The following GPR17 variants were observed in gnomAD, a reference collection of about 807,000 sequenced individuals.
GPR17 encodes the protein G protein-coupled receptor 17.
A neutral mutation model predicts 1.5 loss-of-function variants in GPR17; 4 were observed. The ratio of observed to expected loss-of-function variants is 2.73; its 90% CI spans 1.35 to 6.25. GPR17 has a LOEUF of 6.25. Ranked by LOEUF, GPR17 falls within the 30% of genes most tolerant of loss-of-function variation. The probability of loss-of-function intolerance (pLI) is 0.00; values close to 1 mark genes in which losing one functional copy is unlikely to be tolerated. For missense variants in GPR17, 463 were observed against 462.1 expected, an observed-to-expected ratio of 1.00 and a Z score of -0.02; for synonymous variants, 209 against 207.6, an observed-to-expected ratio of 1.01 and a Z score of -0.06.
chr2:127,650,457 CT>C lies in GPR17; in HGVS notation c.-20-258del, dbSNP rs1281010934. ...CCAGCTCTGAGGAGCCTCAGATCTCCTGGGTGGCAGGGGTGCAGCTGCATAG... is the reference window on the plus strand; with the variant it reads ...CCAGCTCTGAGGAGCCTCAGATCTCCGGGTGGCAGGGGTGCAGCTGCATAG... On this transcript the variant is annotated intron_variant, in intron 1 of 1. Coordinates refer to ENST00000486700, the MANE Select transcript of GPR17 (RefSeq NM_001161417.2). The C allele has an allele frequency of 1.4e-5, 8 of 552,848 alleles. No homozygotes were observed. The East Asian group carries it at 2.1e-4, about 15-fold the overall frequency. The allele number at this position is 552,848 out of a possible 1,614,324, so 34.2% of individuals were successfully genotyped here. A position where few individuals can be genotyped will look rare whatever the true frequency, so the allele number is the denominator to read the frequency against.
chr2:127,651,304 C>T lies in GPR17; in HGVS notation c.569C>T (p.Ser190Phe), dbSNP rs1230516888. The T allele has an allele frequency of 6.2e-7, 1 of 1,609,304 alleles. No individual in the cohort carries two copies. The highest frequency in any genetic ancestry group is 1.7e-5 in the Admixed American group (1 of 60,022). ...VCLQLYREKA[S>F]HHALVSLAVA... The stretch of plus-strand genomic sequence containing the variant: ...CTGCAGCTGTACCGGGAGAAGGCCT[C>T]CCACCATGCCCTGGTGTCCCTGGCA... The change falls in exon 2 of 2, where the codon TCC becomes TTC. Residue 190 changes from serine to phenylalanine, a missense_variant. Physicochemically the swap from Ser to Phe is radical, Grantham distance 155. Transcript: ENST00000486700.
Position 127,650,790 on chromosome 2 carries a change from AC to A in GPR17, c.56del (p.Thr19ArgfsTer28). ...TCTGATCACCAACTTCTCCCTGGCC[AC>A]GGCAGAGCAATGTGGCCAGGAGACG... Reference protein sequence around the residue: ...PGLITNFSLATAEQCGQETPL... With the variant: ...PGLITNFSLAXAEQCGQETPL... On this transcript the variant is annotated frameshift_variant, in exon 2 of 2. Coordinates refer to ENST00000486700, the MANE Select transcript of GPR17 (RefSeq NM_001161417.2). LOFTEE classifies it low-confidence loss of function (END_TRUNC). 1 of 1,613,894 alleles carries A rather than the reference AC, an allele frequency of 6.2e-7. No individual in the cohort carries two copies. The highest frequency in any genetic ancestry group is 8.5e-7 in the Non-Finnish European group (1 of 1,179,864).
Position 127,651,962 on chromosome 2 carries a change from G to A in GPR17, c.*207G>A. 1.6e-6 allele frequency: 1 copy of A among 614,332 alleles called. No homozygotes were observed. The highest frequency in any genetic ancestry group is 2.9e-6 in the Non-Finnish European group (1 of 339,624). 38.1% of individuals were successfully genotyped at this position (614,332 alleles called of 1,614,324 possible). A position where few individuals can be genotyped will look rare whatever the true frequency, so the allele number is the denominator to read the frequency against. On this transcript the variant is annotated 3_prime_UTR_variant, in exon 2 of 2. Coordinates refer to ENST00000486700, the MANE Select transcript of GPR17 (RefSeq NM_001161417.2). Reference sequence around the variant, plus strand: ...ATCGGCCACCCCTCTGCAGGGGCTTGTGATGGCTACAATGGCTCCTAGACA... The same window carrying A: ...ATCGGCCACCCCTCTGCAGGGGCTTATGATGGCTACAATGGCTCCTAGACA...
chr2:127,649,958 G>C, intron 1 of GPR17: 1 of 1,468,648 alleles, frequency 6.8e-7, no homozygotes, highest in Non-Finnish European at 9.4e-7. Flanking sequence ...CTCCCAGCTG[G>C]CCTGATACCC....
At chr2:127,650,528 G>C (rs1017302761) in intron 1 of GPR17, 188 bp from the exon 2 acceptor site, 1 of 588,186 alleles carries the variant, frequency 1.7e-6, no homozygotes, top group Non-Finnish European at 3.0e-6. Context: ...TTGTGCTGAA[G>C]TTCAGAATGC....
chr2:127,649,165 T>TAGGAAGGAAGGAAGGAAGGAAGGAAGGA (rs376330379), intron 1 of GPR17, among the ~76,000 whole-genome samples: 105 of 134,344 alleles, frequency 7.8e-4, no homozygotes, highest in African/African-American at 2.8e-3. Flanking sequence ...GAGAGGAAGG[T>TAGGAAGGAAGGAAGGAAGGAAGGAAGGA]AGGAAGGAAG....
chr2:127,651,389 C>T lies in GPR17; in HGVS notation c.654C>T (p.Ser218=). ...TVTCYLLIIR[S]LRQGLRVEKR... is the part of the protein sequence containing the mutation. ...CCTGCTACCTGCTGATCATCCGCAG[C>T]CTGCGGCAGGGCCTGCGTGTGGAGA... The change falls in exon 2 of 2, where the codon AGC becomes AGT. Residue 218 remains serine, a synonymous_variant. Coordinates refer to ENST00000486700, the MANE Select transcript of GPR17 (RefSeq NM_001161417.2). 6.2e-7 allele frequency: 1 copy of T among 1,612,820 alleles called. No individual in the cohort carries two copies. The highest frequency in any genetic ancestry group is 8.5e-7 in the Non-Finnish European group (1 of 1,180,042).
rs375405261 is a variant in GPR17, at chr2:127,651,390, C to T, written c.655C>T (p.Leu219=). ...VTCYLLIIRS[L]RQGLRVEKRL... is the part of the protein sequence containing the mutation. ...CTGCTACCTGCTGATCATCCGCAGC[C>T]TGCGGCAGGGCCTGCGTGTGGAGAA... Residue 219 remains leucine (L), a synonymous_variant, in exon 2 of 2, where the codon CTG becomes TTG. Coordinates refer to ENST00000486700, the MANE Select transcript of GPR17 (RefSeq NM_001161417.2). 2.5e-6 allele frequency: 4 copies of T among 1,612,846 alleles called. No homozygotes were observed. Among genetic ancestry groups the T allele is most frequent in the Non-Finnish European group, 2.5e-6 (3 of 1,180,042 alleles).
intron 1 of GPR17, chr2:127,648,377 T>A: frequency 5.5e-6 from 1 of 181,010 alleles, no homozygotes; most frequent in Non-Finnish European, 1.1e-5. Flanking sequence ...GGCCAGGTGC[T>A]CGGGCCAGCC....
At chr2:127,650,109 G>A (rs557021396) in intron 1 of GPR17, 46 of 1,573,238 alleles carry the variant, frequency 2.9e-5, no homozygotes, top group Non-Finnish European at 4.0e-5. Context: ...GACGTCCCAG[G>A]GTACAGCCCT....
intron 1 of GPR17, among the ~76,000 whole-genome samples, chr2:127,649,056 AAAGG>A (rs1243863077): frequency 2.1e-5 from 3 of 139,728 alleles, no homozygotes; most frequent in Non-Finnish European, 3.2e-5. Context: ...AGAAAAGAAG[AAAGG>A]AAGGAAGGAA....
chr2:127,649,183 G>A (rs113159429), intron 1 of GPR17, among the ~76,000 whole-genome samples: 274 of 63,162 alleles, frequency 4.3e-3, no homozygotes, highest in Middle Eastern at 7.1e-3. Context: ...AAGGAAGGAA[G>A]GAAGGAAGGA....
At position 127,647,251 on chromosome 2, in the gene GPR17, G is replaced by T. The variant is rs3771296; in HGVS notation, c.-21+1007G>T. On this transcript the variant is annotated intron_variant, in intron 1 of 1. Coordinates refer to ENST00000486700, the MANE Select transcript of GPR17 (RefSeq NM_001161417.2). This position sits in a 1 kb window ranked among gnomAD's most constrained non-coding sequence, Gnocchi z 4.3. ...GAGGGAGTGGCCCCAGGGCCAGGAGGGGGTGCTGAGCCTGGGAGACAACTC... is the reference window on the plus strand; with the variant it reads ...GAGGGAGTGGCCCCAGGGCCAGGAGTGGGTGCTGAGCCTGGGAGACAACTC... Among the ~76,000 whole-genome samples the T allele has an allele frequency of 5.9e-5, 9 of 152,130 alleles. No individual in the cohort carries two copies. Among genetic ancestry groups the T allele is most frequent in the East Asian group, 1.9e-4 (1 of 5,158 alleles).
At chr2:127,648,987 GGGA>G (rs1290592804) in intron 1 of GPR17, among the ~76,000 whole-genome samples, 61 of 28,602 alleles carry the variant, frequency 2.1e-3, no homozygotes, top group Admixed American at 3.4e-3. Flanking sequence ...GGGAGGGGAG[GGGA>G]GGGAGGGGAG....
chr2:127,651,813 G>A lies in GPR17; in HGVS notation c.*58G>A. ...GTTTAGGACTCAGCAGACCCAGCAAGAGGCATCTGCCCTTTCCCCAGCCAC... is the reference window on the plus strand; with the variant it reads ...GTTTAGGACTCAGCAGACCCAGCAAAAGGCATCTGCCCTTTCCCCAGCCAC... On this transcript the variant is annotated 3_prime_UTR_variant, in exon 2 of 2. Transcript: ENST00000486700. 4 of 1,516,088 alleles carry A rather than the reference G, an allele frequency of 2.6e-6. No homozygotes were observed. Among genetic ancestry groups the A allele is most frequent in the Non-Finnish European group, 2.7e-6 (3 of 1,110,802 alleles). The allele number at this position is 1,516,088 out of a possible 1,614,324, so 93.9% of individuals were successfully genotyped here.
At chr2:127,648,764 T>C (rs979921758) in intron 1 of GPR17, among the ~76,000 whole-genome samples, 1 of 151,200 alleles carries the variant, frequency 6.6e-6, no homozygotes, top group Non-Finnish European at 1.5e-5. Flanking sequence ...TACCAAAAAA[T>C]ACAAAAATTA....
chr2:127,650,580 C>G, intron 1 of GPR17, 136 bp from the exon 2 acceptor site: 1 of 647,090 alleles, frequency 1.5e-6, no homozygotes, highest in East Asian at 2.6e-5. Flanking sequence ...GAGGTCCCCT[C>G]AGCAGCCCCG....
chr2:127,651,216 G>A lies in GPR17; in HGVS notation c.481G>A (p.Val161Met). ...TGCCTTCCTGTGGGTGGTGGTGGCTGTGGCCATGGCCCCGCTGCTGGTGAG... is the reference window on the plus strand; with the variant it reads ...TGCCTTCCTGTGGGTGGTGGTGGCTATGGCCATGGCCCCGCTGCTGGTGAG... ...ACAFLWVVVA[V>M]AMAPLLVSPQ... Residue 161 changes from valine (V) to methionine (M), a missense_variant, in exon 2 of 2, where the codon GTG becomes ATG. By Grantham distance (21) the Val-to-Met change is conservative (BLOSUM62 1). Coordinates refer to ENST00000486700, the MANE Select transcript of GPR17 (RefSeq NM_001161417.2). The A allele has an allele frequency of 1.2e-6, 2 of 1,609,252 alleles. No homozygotes were observed. The highest frequency in any genetic ancestry group is 1.7e-6 in the Non-Finnish European group (2 of 1,179,558).
Position 127,652,073 on chromosome 2 carries a change from C to T in GPR17, c.*318C>T. On this transcript the variant is annotated 3_prime_UTR_variant, in exon 2 of 2. Transcript: ENST00000486700. ...GAGGCCTTTCTTTCCCGCTAGGCTC[C>T]CAGCCTCCTTCCCGCTACAGAATCG... is the stretch of plus-strand genomic sequence containing the variant. The T allele has an allele frequency of 2.7e-6, 1 of 366,924 alleles. No individual in the cohort carries two copies. Among genetic ancestry groups the T allele is most frequent in the Non-Finnish European group, 5.2e-6 (1 of 193,484 alleles). 22.7% of individuals were successfully genotyped at this position (366,924 alleles called of 1,614,324 possible).
Sources: allele counts gnomAD v4.1 joint callset (sites outside exome capture counted in the v4.1 genomes callset), GRCh38; gene constraint gnomAD v4.1.1; non-coding constraint Gnocchi (gnomAD v3.1); transcripts MANE v1.5; gene names NCBI Gene and HGNC (gene_info 2026-07-23, HGNC 2026-07-21).